Variants in PALLD observed in about 807,000 individuals in gnomAD.
PALLD encodes palladin, cytoskeletal associated protein.
In PALLD, 61 loss-of-function variants were observed where a neutral mutation model predicts 123.5. The observed-to-expected ratio is 0.49, with a 90% CI of 0.40 to 0.61. The LOEUF (loss-of-function observed/expected upper bound fraction) is 0.61. Among genes scored for constraint, PALLD ranks in the 20% least tolerant of loss-of-function variants. The probability of loss-of-function intolerance (pLI) is 0.00; values close to 1 mark genes in which losing one functional copy is unlikely to be tolerated. For missense variants in PALLD, 1,273 were observed against 1,377.0 expected (o/e 0.92, Z 1.20); for synonymous variants, 465 against 496.4 (o/e 0.94, Z 0.84).
intron 2 of PALLD, among the ~76,000 whole-genome samples, chr4:168,631,064 C>A (rs1775749219): frequency 6.6e-6 from 1 of 152,178 alleles, no homozygotes; most frequent in African/African-American, 2.4e-5. Flanking sequence ...ACTTGTTCAA[C>A]ATAAAAAAGA....
At chr4:168,517,394 A>G (rs1295293902) in intron 2 of PALLD, among the ~76,000 whole-genome samples, 1 of 152,208 alleles carries the variant, frequency 6.6e-6, no homozygotes. Flanking sequence ...CTAGGTCATC[A>G]TTGTTAGCCC....
chr4:168,668,123 T>C, intron 2 of PALLD, 67 bp from the exon 3 acceptor site: 2 of 1,286,174 alleles, frequency 1.6e-6, no homozygotes, highest in East Asian at 2.3e-5. Context: ...CACTTCTGCT[T>C]TATTGTTTTA....
At chr4:168,786,841 T>C (rs1023274469) in intron 10 of PALLD, among the ~76,000 whole-genome samples, 4 of 152,186 alleles carry the variant, frequency 2.6e-5, no homozygotes, top group African/African-American at 2.4e-5. Context: ...AAAATTGTTA[T>C]ACAAAATTTG....
At chr4:168,648,843 T>G (rs998422639) in intron 2 of PALLD, 1 of 152,270 alleles carries the variant, frequency 6.6e-6, no homozygotes, top group Non-Finnish European at 1.5e-5. Flanking sequence ...ATTTAAGTGC[T>G]TATTATCTCT....
chr4:168,692,374 T>TCC (rs747966849), intron 8 of PALLD, among the ~76,000 whole-genome samples: 4 of 152,150 alleles, frequency 2.6e-5, no homozygotes, highest in Non-Finnish European at 4.4e-5. Flanking sequence ...GCAGAGCAAG[T>TCC]CCCCCCACTT....
Position 168,905,842 on chromosome 4 carries a change from C to T in PALLD, c.2622+1936C>T, listed in dbSNP as rs1757676334. On this transcript the variant is annotated intron_variant, in intron 15 of 21. Coordinates refer to ENST00000505667, the MANE Select transcript of PALLD (RefSeq NM_001166108.2). ...TGAGACGGAATCTTGCTCTGTTGCC[C>T]AGGCTGGAGTGCAGTGGCATGATCT... Among the ~76,000 whole-genome samples, 5 of 139,264 alleles carry T rather than the reference C, an allele frequency of 3.6e-5. No homozygotes were observed. The Admixed American group carries it at 3.9e-4, about 11-fold the overall frequency. The allele number at this position is 139,264 out of a possible 152,430, so 91.4% of individuals were successfully genotyped here.
intron 10 of PALLD, among the ~76,000 whole-genome samples, chr4:168,800,165 TA>T (rs1368728863): frequency 6.6e-6 from 1 of 152,242 alleles, no homozygotes; most frequent in Non-Finnish European, 1.5e-5. Context: ...TTCTGTTTTA[TA>T]AGGAATTTCT....
chr4:168,918,155 C>T (rs1429945420), intron 17 of PALLD, among the ~76,000 whole-genome samples: 1 of 151,190 alleles, frequency 6.6e-6, no homozygotes, highest in Non-Finnish European at 1.5e-5. Context: ...TGCATTCCAA[C>T]CTGGGCAACA....
chr4:168,579,560 G>C (rs1306554711), intron 2 of PALLD, among the ~76,000 whole-genome samples: 1 of 151,964 alleles, frequency 6.6e-6, no homozygotes, highest in African/African-American at 2.4e-5. Context: ...GACGGAAAAG[G>C]TCTAGGTCAA....
At chr4:168,805,859 A>G (rs1239915797) in intron 10 of PALLD, among the ~76,000 whole-genome samples, 1 of 152,190 alleles carries the variant, frequency 6.6e-6, no homozygotes, top group Non-Finnish European at 1.5e-5. Context: ...CATGTACCTG[A>G]CCTAGTATCT....
At chr4:168,667,842 AAT>A (rs1038829016) in intron 2 of PALLD, among the ~76,000 whole-genome samples, 2 of 152,232 alleles carry the variant, frequency 1.3e-5, no homozygotes, top group African/African-American at 4.8e-5. Context: ...AGATAAGACT[AAT>A]AGATAAAATT....
At chr4:168,871,888 T>C (rs1751126820) in intron 10 of PALLD, among the ~76,000 whole-genome samples, 1 of 152,206 alleles carries the variant, frequency 6.6e-6, no homozygotes, top group South Asian at 2.1e-4. Context: ...TATAAATTCT[T>C]TGGACCACAT....
intron 2 of PALLD, among the ~76,000 whole-genome samples, chr4:168,553,106 G>A (rs971328716): frequency 6.6e-6 from 1 of 152,116 alleles, no homozygotes; most frequent in Non-Finnish European, 1.5e-5. Context: ...TTAAAGATGT[G>A]AAAACTGAGT....
chr4:168,681,303 C>G, intron 3 of PALLD, 29 bp from the exon 4 acceptor site: 1 of 1,360,216 alleles, frequency 7.4e-7, no homozygotes, highest in Non-Finnish European at 1.1e-6. Flanking sequence ...GATATCTTAA[C>G]TTTACCATTA....
At chr4:168,502,052 T>C in intron 1 of PALLD, among the ~76,000 whole-genome samples, 1 of 152,216 alleles carries the variant, frequency 6.6e-6, no homozygotes, top group East Asian at 1.9e-4. Context: ...CTTAACTCCC[T>C]AGGACAGAGA....
At chr4:168,660,778 C>T (rs144991129) in intron 2 of PALLD, among the ~76,000 whole-genome samples, 28 of 152,200 alleles carry the variant, frequency 1.8e-4, no homozygotes, top group Admixed American at 4.6e-4. Context: ...AGAATATTAT[C>T]TCCTCTCCAA....
intron 10 of PALLD, among the ~76,000 whole-genome samples, chr4:168,819,327 T>TTG (rs3046003): frequency 0.014 from 2,057 of 148,920 alleles, 17 homozygotes; most frequent in East Asian, 0.022. Flanking sequence ...CCGAGACCAT[T>TTG]TGTGTGTGTG....
chr4:168,685,642 A>G lies in PALLD; in HGVS notation c.1335+83A>G, dbSNP rs533389797. 6 of 915,128 alleles carry G rather than the reference A, an allele frequency of 6.6e-6. No individual in the cohort carries two copies. The South Asian group carries it at 7.8e-5, about 12-fold the overall frequency. The allele number at this position is 915,128 out of a possible 1,614,324, so 56.7% of individuals were successfully genotyped here. On this transcript the variant is annotated intron_variant, in intron 6 of 21. Coordinates refer to ENST00000505667, the MANE Select transcript of PALLD (RefSeq NM_001166108.2). ...CATGTGGCTTCGTGTAGCAATCTTT[A>G]AAAATTAAAAGGAACAGATTAGTAG...
At chr4:168,680,711 C>T (rs960222189) in intron 3 of PALLD, among the ~76,000 whole-genome samples, 1 of 152,028 alleles carries the variant, frequency 6.6e-6, no homozygotes, top group African/African-American at 2.4e-5. Context: ...TACTTTGAAC[C>T]ATTGCAATTT....
Sources: allele counts gnomAD v4.1 joint callset (sites outside exome capture counted in the v4.1 genomes callset), GRCh38; gene constraint gnomAD v4.1.1; transcripts MANE v1.5; gene names NCBI Gene and HGNC (gene_info 2026-07-23, HGNC 2026-07-21).